The following DTD1 variants were observed in gnomAD, a reference collection of about 807,000 sequenced individuals.
The protein encoded by DTD1 is D-tyrosyl-tRNA deacylase 1 homolog.
Under a neutral mutation model 25.6 loss-of-function variants are expected in DTD1, and 13 were observed. The ratio of observed to expected loss-of-function variants is 0.51; its 90% confidence interval spans 0.33 to 0.81. DTD1 has a LOEUF of 0.81. Among genes scored for constraint, DTD1 ranks in the 30% least tolerant of loss-of-function variants. The probability of loss-of-function intolerance (pLI) is 0.02; values close to 1 mark genes in which losing one functional copy is unlikely to be tolerated. For missense variants in DTD1, 193 were observed against 266.4 expected (o/e 0.72, Z 1.92); for synonymous variants, 110 against 103.6 (o/e 1.06, Z -0.37).
chr20:18,641,214 A>G (rs1445060103), intron 4 of DTD1, among the ~76,000 whole-genome samples: 1 of 152,146 alleles, frequency 6.6e-6, no homozygotes, highest in Non-Finnish European at 1.5e-5. Context: ...ATTCTCTTGT[A>G]TACCGTATTT....
At chr20:18,723,557 C>T (rs182845471) in intron 4 of DTD1, among the ~76,000 whole-genome samples, 3 of 152,324 alleles carry the variant, frequency 2.0e-5, no homozygotes, top group Admixed American at 2.0e-4. Context: ...AACAAATGAT[C>T]ATATTCCAAG....
chr20:18,688,721 G>A (rs2061028190), intron 4 of DTD1, among the ~76,000 whole-genome samples: 1 of 152,010 alleles, frequency 6.6e-6, no homozygotes, highest in Admixed American at 6.6e-5. Context: ...CTAGTGTTTG[G>A]TTTTTTAGCT....
chr20:18,758,568 G>A (rs1766047048), intron 5 of DTD1, among the ~76,000 whole-genome samples: 1 of 152,208 alleles, frequency 6.6e-6, no homozygotes, highest in South Asian at 2.1e-4. Flanking sequence ...CAGTTTCCAT[G>A]TAGTTGAGCG....
At chr20:18,688,044 G>C (rs979089854) in intron 4 of DTD1, among the ~76,000 whole-genome samples, 1 of 152,174 alleles carries the variant, frequency 6.6e-6, no homozygotes, top group African/African-American at 2.4e-5. Flanking sequence ...CCAGCGGCTA[G>C]TTTCAAAGAG....
At chr20:18,589,589 T>C (rs1222913135) in intron 1 of DTD1, among the ~76,000 whole-genome samples, 1 of 152,148 alleles carries the variant, frequency 6.6e-6, no homozygotes, top group East Asian at 1.9e-4. Flanking sequence ...TTTATAACAT[T>C]TCTGTAGATA....
At chr20:18,689,118 G>A (rs926050104) in intron 4 of DTD1, among the ~76,000 whole-genome samples, 19 of 152,148 alleles carry the variant, frequency 1.2e-4, no homozygotes, top group Non-Finnish European at 2.1e-4. Context: ...CCACGGCCCC[G>A]TTTTTCCATT....
intron 4 of DTD1, among the ~76,000 whole-genome samples, chr20:18,659,805 C>T (rs1333009906): frequency 2.0e-5 from 3 of 151,784 alleles, no homozygotes; most frequent in African/African-American, 2.4e-5. Context: ...CTAATGCATA[C>T]GGGGCTTAAA....
intron 4 of DTD1, chr20:18,631,679 G>T (rs999208779): frequency 1.0e-6 from 1 of 985,242 alleles, no homozygotes; most frequent in Non-Finnish European, 1.2e-6. Flanking sequence ...CCTGGAAATG[G>T]CTGGAGCCTT....
intron 4 of DTD1, among the ~76,000 whole-genome samples, chr20:18,636,198 AT>A (rs1264358587): frequency 6.6e-6 from 1 of 152,212 alleles, no homozygotes; most frequent in Non-Finnish European, 1.5e-5. Context: ...CCTGCCAAAG[AT>A]TAACAGCATC....
intron 4 of DTD1, among the ~76,000 whole-genome samples, chr20:18,636,050 G>A (rs1267089890): frequency 4.6e-5 from 7 of 152,094 alleles, no homozygotes; most frequent in Admixed American, 4.6e-4. Flanking sequence ...CACTAATGGG[G>A]TAGTGCATTT....
At chr20:18,599,858 T>C (rs989376610) in intron 3 of DTD1, among the ~76,000 whole-genome samples, 7 of 152,204 alleles carry the variant, frequency 4.6e-5, no homozygotes, top group Non-Finnish European at 1.0e-4. Flanking sequence ...TTTTAAAAAA[T>C]TGGATTGTTT....
At chr20:18,693,702 A>C (rs1363200840) in intron 4 of DTD1, among the ~76,000 whole-genome samples, 1 of 151,482 alleles carries the variant, frequency 6.6e-6, no homozygotes, top group Non-Finnish European at 1.5e-5. Context: ...ACACTTATTT[A>C]TTAGACATTT....
intron 4 of DTD1, among the ~76,000 whole-genome samples, chr20:18,658,767 C>A (rs1178540424): frequency 6.6e-6 from 1 of 152,204 alleles, no homozygotes; most frequent in African/African-American, 2.4e-5. Context: ...TATTAACACT[C>A]CCCATGTTAG....
chr20:18,691,077 C>A (rs2061045076), intron 4 of DTD1, among the ~76,000 whole-genome samples: 1 of 152,172 alleles, frequency 6.6e-6, no homozygotes, highest in Non-Finnish European at 1.5e-5. Context: ...CATCTCACAT[C>A]AGTCTAAATG....
intron 3 of DTD1, among the ~76,000 whole-genome samples, chr20:18,614,303 T>C (rs1309006545): frequency 2.0e-5 from 3 of 152,156 alleles, no homozygotes; most frequent in Non-Finnish European, 2.9e-5. Flanking sequence ...CCTGTGGCAG[T>C]GCAGTTCTCG....
chr20:18,589,623 A>G (rs2060581204), intron 1 of DTD1, among the ~76,000 whole-genome samples: 1 of 152,178 alleles, frequency 6.6e-6, no homozygotes, highest in Non-Finnish European at 1.5e-5. Context: ...AAACTGGGAA[A>G]ATTCATAGAT....
intron 4 of DTD1, among the ~76,000 whole-genome samples, chr20:18,723,834 T>A (rs1248820487): frequency 2.0e-5 from 3 of 152,240 alleles, no homozygotes; most frequent in Non-Finnish European, 4.4e-5. Context: ...TAAACTGGCC[T>A]AAATGATAAG....
At chr20:18,753,359 G>A (rs1281502973) in intron 5 of DTD1, among the ~76,000 whole-genome samples, 2 of 152,122 alleles carry the variant, frequency 1.3e-5, no homozygotes, top group African/African-American at 4.8e-5. Flanking sequence ...TGTAATCCCA[G>A]CATTTTGGGA....
intron 3 of DTD1, among the ~76,000 whole-genome samples, chr20:18,598,321 T>C (rs898918238): frequency 2.0e-5 from 3 of 152,214 alleles, no homozygotes; most frequent in African/African-American, 7.2e-5. Context: ...TCCTTTTTTA[T>C]GGCTCATTGT....
Sources: allele counts gnomAD v4.1 joint callset (sites outside exome capture counted in the v4.1 genomes callset), GRCh38; gene constraint gnomAD v4.1.1; transcripts MANE v1.5; gene names NCBI Gene and HGNC (gene_info 2026-07-23, HGNC 2026-07-21).